EPB41L4B: variants seen among roughly 807,000 people sequenced by gnomAD.
The protein encoded by EPB41L4B is band 4.1-like protein 4B.
EPB41L4B carries 30 observed loss-of-function variants against 112.5 expected under a neutral mutation model. The observed-to-expected ratio is 0.27, with a 90% CI of 0.20 to 0.36. EPB41L4B has a LOEUF of 0.36. EPB41L4B is among the 10% of genes least tolerant of loss of function. The probability of loss-of-function intolerance (pLI) is 1.00; values close to 1 mark genes in which losing one functional copy is unlikely to be tolerated. For synonymous variants in EPB41L4B, 408 were observed against 439.7 expected (o/e 0.93, Z 0.90); for missense variants, 1,024 against 1,133.3 (o/e 0.90, Z 1.38).
At chr9:109,308,822 A>T (rs1477409352) in intron 1 of EPB41L4B, among the ~76,000 whole-genome samples, 1 of 152,238 alleles carries the variant, frequency 6.6e-6, no homozygotes, top group Non-Finnish European at 1.5e-5. Flanking sequence ...TCATGCCTGT[A>T]ATCTCAGCAC....
chr9:109,226,626 A>ATAGG (rs1554750151), intron 15 of EPB41L4B, among the ~76,000 whole-genome samples: 1 of 132,264 alleles, frequency 7.6e-6, no homozygotes, highest in Non-Finnish European at 1.6e-5. Context: ...ATATATATAT[A>ATAGG]TATGAAGAAT....
chr9:109,305,241 G>A (rs1311976574), intron 1 of EPB41L4B, among the ~76,000 whole-genome samples: 2 of 152,100 alleles, frequency 1.3e-5, no homozygotes, highest in East Asian at 3.9e-4. Flanking sequence ...GGGGAATGAT[G>A]GGATAAGCTT....
At chr9:109,242,918 G>C (rs1834403590) in intron 15 of EPB41L4B, among the ~76,000 whole-genome samples, 1 of 151,004 alleles carries the variant, frequency 6.6e-6, no homozygotes, top group Non-Finnish European at 1.5e-5. Context: ...ATGCCAGTTG[G>C]CTTAGAAAGG....
At chr9:109,235,023 A>C (rs375980074) in intron 15 of EPB41L4B, among the ~76,000 whole-genome samples, 24 of 152,314 alleles carry the variant, frequency 1.6e-4, no homozygotes, top group African/African-American at 5.8e-4. Context: ...GCTCTGTTTC[A>C]ATTCTCCAAG....
At chr9:109,255,934 G>T in intron 9 of EPB41L4B, 91 bp from the exon 10 acceptor site, 3 of 1,342,774 alleles carry the variant, frequency 2.2e-6, no homozygotes, top group South Asian at 1.4e-5. Context: ...TTAAAGCTTA[G>T]ACTAAAAAAA....
intron 22 of EPB41L4B, among the ~76,000 whole-genome samples, chr9:109,190,968 G>T (rs930113909): frequency 6.6e-6 from 1 of 152,202 alleles, no homozygotes; most frequent in African/African-American, 2.4e-5. Flanking sequence ...CAGCATCCAG[G>T]ACACTGACTT....
intron 1 of EPB41L4B, among the ~76,000 whole-genome samples, chr9:109,309,900 T>C (rs1301182558): frequency 6.6e-6 from 1 of 152,006 alleles, no homozygotes; most frequent in Non-Finnish European, 1.5e-5. Context: ...AAGCTGACAA[T>C]GCCAAGTGTT....
At chr9:109,299,940 C>T (rs781343914) in intron 1 of EPB41L4B, among the ~76,000 whole-genome samples, 36 of 152,232 alleles carry the variant, frequency 2.4e-4, no homozygotes, top group Non-Finnish European at 3.8e-4. Flanking sequence ...AACAAAGACA[C>T]ACCACTGCCA....
rs1037111769 is a variant in EPB41L4B at position 109,218,571 on chromosome 9, C to A, written c.1410-1426G>T. Among the ~76,000 whole-genome samples, 19 of 152,116 alleles carry A rather than the reference C, an allele frequency of 1.2e-4. 1 individual carries two copies. The highest frequency in any genetic ancestry group is 4.3e-4 in the African/African-American group (18 of 41,414). ...CTCTCCATGGACCCAGGTGAAGAGCCCTGGCTTGAAGGATAAAAGCCACAA... is the reference window on the plus strand; with the variant it reads ...CTCTCCATGGACCCAGGTGAAGAGCACTGGCTTGAAGGATAAAAGCCACAA... On this transcript the variant is annotated intron_variant, in intron 15 of 25. Coordinates refer to ENST00000374566, the MANE Select transcript of EPB41L4B (RefSeq NM_019114.5).
At chr9:109,305,697 C>T (rs572902636) in intron 1 of EPB41L4B, among the ~76,000 whole-genome samples, 28 of 149,568 alleles carry the variant, frequency 1.9e-4, no homozygotes, top group Admixed American at 6.6e-4. Flanking sequence ...CTGCGGTGGG[C>T]GGATCACCTG....
At chr9:109,240,851 G>A (rs1409087076) in intron 15 of EPB41L4B, 1 of 985,286 alleles carries the variant, frequency 1.0e-6, no homozygotes, top group Non-Finnish European at 1.2e-6. Flanking sequence ...ACGCAAGTTA[G>A]CAGCACCAAT....
intron 15 of EPB41L4B, chr9:109,241,924 AT>A: frequency 1.0e-6 from 1 of 996,478 alleles, no homozygotes. Flanking sequence ...AGCCATGTGA[AT>A]GGGGATGGCT....
At position 109,182,778 on chromosome 9, in the gene EPB41L4B, T is replaced by C; in HGVS notation, c.2438A>G (p.Asp813Gly). The change falls in exon 24 of 26, where the codon GAT becomes GGT. Residue 813 changes from aspartate (D) to glycine (G), a missense_variant. Transcript: ENST00000374566. Reference protein sequence around the residue: ...KTRLIKTFPVDTMNPFPDTFT... With the variant: ...KTRLIKTFPVGTMNPFPDTFT... ...AGTATCAGGAAACGGGTTCATTGTA[T>C]CAACCGGGAATGTTTTTATCTTCAA... 6.2e-7 allele frequency: 1 copy of C among 1,612,266 alleles called. No homozygotes were observed. Among genetic ancestry groups the C allele is most frequent in the Non-Finnish European group, 8.5e-7 (1 of 1,178,270 alleles).
Position 109,194,359 on chromosome 9 carries a change from A to G in EPB41L4B, c.2084T>C (p.Val695Ala). ...TGTGGTTGTAGATGTGGTCACTCCC[A>G]CTGCCTCGGCCAGGTCTGGAGGGAG... The part of the protein sequence containing the change: ...DDLPPDLAEA[V>A]GVTTSTTTNT... Residue 695 changes from valine to alanine, a missense_variant, in exon 21 of 26, where the codon GTG becomes GCG. By Grantham distance (64) the Val-to-Ala change is moderately conservative (BLOSUM62 0). Transcript: ENST00000374566. 1 of 1,614,152 alleles carries G rather than the reference A, an allele frequency of 6.2e-7. No homozygotes were observed. Among genetic ancestry groups the G allele is most frequent in the Non-Finnish European group, 8.5e-7 (1 of 1,180,048 alleles).
At chr9:109,197,217 G>A (rs1832671951) in intron 20 of EPB41L4B, among the ~76,000 whole-genome samples, 1 of 152,190 alleles carries the variant, frequency 6.6e-6, no homozygotes, top group South Asian at 2.1e-4. Context: ...GAGGTCAGGA[G>A]TTCGAGACCA....
intron 3 of EPB41L4B, among the ~76,000 whole-genome samples, chr9:109,267,901 C>A (rs2119082771): frequency 6.6e-6 from 1 of 152,310 alleles, no homozygotes; most frequent in South Asian, 2.1e-4. Flanking sequence ...GAAAGTGATG[C>A]AAAGTGTTCT....
rs900145930 is a variant in EPB41L4B, at chr9:109,313,457, G to A, written c.306+6684C>T. Among the ~76,000 whole-genome samples the A allele has an allele frequency of 2.0e-5, 3 of 152,218 alleles. No homozygotes were observed. The East Asian group carries it at 5.8e-4, about 29-fold the overall frequency. ...GGGGGGGCACACCAGGATGCTGCCCGGCTCCAGCCCCACTCTGCCAGGTCA... is the reference window on the plus strand; with the variant it reads ...GGGGGGGCACACCAGGATGCTGCCCAGCTCCAGCCCCACTCTGCCAGGTCA... On this transcript the variant is annotated intron_variant, in intron 1 of 25. Coordinates refer to ENST00000374566, the MANE Select transcript of EPB41L4B (RefSeq NM_019114.5).
chr9:109,193,485 A>G (rs1027679999), intron 21 of EPB41L4B, among the ~76,000 whole-genome samples: 1 of 152,240 alleles, frequency 6.6e-6, no homozygotes, highest in African/African-American at 2.4e-5. Context: ...TTTGGAAGTG[A>G]GTGCTGTGGC....
At chr9:109,243,571 G>C in intron 15 of EPB41L4B, 47 bp downstream of exon 15, 1 of 1,586,740 alleles carries the variant, frequency 6.3e-7, no homozygotes, top group Non-Finnish European at 8.7e-7. Context: ...CTTTTCTAGA[G>C]AAAGGAAAGC....
Sources: gnomAD v4.1 joint callset for allele counts (sites outside exome capture counted in the v4.1 genomes callset) on GRCh38, gnomAD v4.1.1 for gene constraint, MANE v1.5 for transcripts, NCBI Gene and HGNC (gene_info 2026-07-23, HGNC 2026-07-21) for gene names.